Variants in PUF60 observed in about 807,000 individuals in gnomAD.
PUF60 encodes the protein poly(U)-binding-splicing factor PUF60.
A neutral mutation model predicts 61.8 loss-of-function variants in PUF60; 10 were observed. The observed-to-expected ratio is 0.16, with a 90% CI of 0.10 to 0.27. PUF60 has a LOEUF of 0.27. Among genes scored for constraint, PUF60 ranks in the 10% least tolerant of loss-of-function variants. The pLI is 1.00. For missense variants in PUF60, 371 were observed against 754.0 expected, an observed-to-expected ratio of 0.49 and a Z score of 5.95; for synonymous variants, 353 against 300.9, an observed-to-expected ratio of 1.17 and a Z score of -1.79.
intron 4 of PUF60, 143 bp from the exon 5 acceptor site, chr8:143,820,859 A>C: frequency 1.2e-6 from 1 of 803,116 alleles, no homozygotes; most frequent in Non-Finnish European, 2.1e-6. Context: ...GCCGGCCGCC[A>C]GCACCTGCCC....
rs543924601 is a variant in PUF60 at position 143,816,422 on chromosome 8, G to T, written c.*98C>A. On this transcript the variant is annotated 3_prime_UTR_variant, in exon 12 of 12. Coordinates refer to ENST00000526683, the MANE Select transcript of PUF60 (RefSeq NM_078480.3). ...CACCTTTATCCGCACTGTAGGCTGG[G>T]CTGGGCAGAGCGCGCCTGGCCCCGG... 8.9e-6 allele frequency: 12 copies of T among 1,355,742 alleles called. No individual in the cohort carries two copies. The highest frequency in any genetic ancestry group is 1.9e-4 in the Middle Eastern group (1 of 5,312). The allele number at this position is 1,355,742 out of a possible 1,614,324, so 84.0% of individuals were successfully genotyped here. A position where few individuals can be genotyped will look rare whatever the true frequency, so the allele number is the denominator to read the frequency against.
intron 4 of PUF60, 59 bp downstream of exon 4, chr8:143,821,538 A>C: frequency 7.2e-7 from 1 of 1,380,986 alleles, no homozygotes; most frequent in South Asian, 1.2e-5. Context: ...GAAGAGCGTG[A>C]AGAGGAGGAG....
intron 1 of PUF60, chr8:143,828,876 C>G (rs1456590930): frequency 3.1e-6 from 3 of 961,626 alleles, no homozygotes; most frequent in African/African-American, 1.8e-5. Context: ...CCCTTCTGAT[C>G]CCATCAACCC....
In PUF60 at chr8:143,817,644, G is replaced by A. The variant is rs1351166683; in HGVS notation, c.956C>T (p.Pro319Leu). The A allele has an allele frequency of 6.2e-7, 1 of 1,612,470 alleles. No homozygotes were observed. The highest frequency in any genetic ancestry group is 1.7e-5 in the Admixed American group (1 of 60,010). Reference protein sequence around the residue: ...LLTPATPGGLPPAAAVAAAAA... With the variant: ...LLTPATPGGLLPAAAVAAAAA... ...AGCAGCTGCCACAGCAGCGGCAGGTGGGAGGCCTCCAGGCGTGGCTGGTGT... is the reference window on the plus strand; with the variant it reads ...AGCAGCTGCCACAGCAGCGGCAGGTAGGAGGCCTCCAGGCGTGGCTGGTGT... The change falls in exon 9 of 12, where the codon CCA becomes CTA. Residue 319 changes from proline (P) to leucine (L), a missense_variant. Transcript: ENST00000526683. The surrounding 1 kb of genome is among the most constrained non-coding windows in gnomAD (Gnocchi z 7.4).
intron 5 of PUF60, among the ~76,000 whole-genome samples, chr8:143,819,753 G>A (rs1024208488): frequency 4.6e-5 from 7 of 151,836 alleles, no homozygotes; most frequent in Non-Finnish European, 8.8e-5. Flanking sequence ...TCACTCAGCA[G>A]GCTCCCCAGA....
At chr8:143,829,008 C>A in intron 1 of PUF60, 1 of 995,488 alleles carries the variant, frequency 1.0e-6, no homozygotes, top group Non-Finnish European at 1.2e-6. Flanking sequence ...CGCAACCCCG[C>A]CAGGCTCGCC....
chr8:143,829,071 G>A, intron 1 of PUF60: 1 of 1,057,300 alleles, frequency 9.5e-7, no homozygotes, highest in Non-Finnish European at 1.1e-6. Flanking sequence ...CCGGAAGCTG[G>A]GGTCCGCAGG....
In PUF60 at chr8:143,817,193, T is replaced by A. The variant is rs1383711645; in HGVS notation, c.1145-48A>T. Reference sequence around the variant, plus strand: ...CATCAGTCACTCCCTACCACCCCCCTTCCCAGAAAGGCACAGAGCTGGCCT... The same window carrying A: ...CATCAGTCACTCCCTACCACCCCCCATCCCAGAAAGGCACAGAGCTGGCCT... On this transcript the variant is annotated intron_variant, in intron 10 of 11. Coordinates refer to ENST00000526683, the MANE Select transcript of PUF60 (RefSeq NM_078480.3). This position sits in a 1 kb window ranked among gnomAD's most constrained non-coding sequence, Gnocchi z 7.4. 1 of 1,533,408 alleles carries A rather than the reference T, an allele frequency of 6.5e-7. No homozygotes were observed. The allele number at this position is 1,533,408 out of a possible 1,614,324, so 95.0% of individuals were successfully genotyped here.
In PUF60 at chr8:143,817,265, T is replaced by C; in HGVS notation, c.1144+66A>G. On this transcript the variant is annotated intron_variant, in intron 10 of 11. Coordinates refer to ENST00000526683, the MANE Select transcript of PUF60 (RefSeq NM_078480.3). This position sits in a 1 kb window ranked among gnomAD's most constrained non-coding sequence, Gnocchi z 7.4. ...GCCCAGACCACCAGGGCCAGGCAGCTGAGGGCAGCGAGCCGAGAGATGCCA... is the reference window on the plus strand; with the variant it reads ...GCCCAGACCACCAGGGCCAGGCAGCCGAGGGCAGCGAGCCGAGAGATGCCA... 1 of 1,543,914 alleles carries C rather than the reference T, an allele frequency of 6.5e-7. No homozygotes were observed. The highest frequency in any genetic ancestry group is 8.7e-7 in the Non-Finnish European group (1 of 1,147,960).
At chr8:143,827,594 G>A in intron 1 of PUF60, 1 of 375,558 alleles carries the variant, frequency 2.7e-6, no homozygotes, top group South Asian at 2.0e-5. Flanking sequence ...CAGGACGGTG[G>A]GAACAGATAA....
At chr8:143,823,756 C>G (rs1394703571) in intron 2 of PUF60, among the ~76,000 whole-genome samples, 1 of 152,246 alleles carries the variant, frequency 6.6e-6, no homozygotes, top group Admixed American at 6.5e-5. Context: ...CTGAGAGGAC[C>G]TGCTCCCAAG....
rs1319141537 is a variant in PUF60 at position 143,818,040 on chromosome 8, G to C, written c.639C>G (p.Pro213=). 6.2e-7 allele frequency: 1 copy of C among 1,612,714 alleles called. No individual in the cohort carries two copies. The highest frequency in any genetic ancestry group is 8.5e-7 in the Non-Finnish European group (1 of 1,179,832). ...GRPSNIGQAQ[P]IIDQLAEEAR... ...CCTCCTCAGCCAACTGGTCTATGAT[G>C]GGCTGGGCCTGCCCTATGTTGCTGG... Residue 213 remains proline (P), a synonymous_variant, in exon 8 of 12, where the codon CCC becomes CCG. Transcript: ENST00000526683. This position sits in a 1 kb window ranked among gnomAD's most constrained non-coding sequence, Gnocchi z 7.9.
chr8:143,827,564 C>G (rs762987201), intron 1 of PUF60: 1 of 412,598 alleles, frequency 2.4e-6, no homozygotes, highest in Non-Finnish European at 4.9e-6. Flanking sequence ...AGGGGACAGG[C>G]TCTCATCACT....
intron 2 of PUF60, among the ~76,000 whole-genome samples, chr8:143,823,685 G>A (rs959269222): frequency 4.0e-5 from 6 of 151,762 alleles, no homozygotes; most frequent in Non-Finnish European, 5.9e-5. Context: ...CTCTGGAGGC[G>A]GGCGCTACCA....
chr8:143,820,595 TG>T, intron 5 of PUF60, 70 bp downstream of exon 5: 1 of 1,491,868 alleles, frequency 6.7e-7, no homozygotes, highest in Non-Finnish European at 9.3e-7. Flanking sequence ...CCCCAGCACG[TG>T]GGCTGCACTG....
At chr8:143,828,518 C>T (rs1817904850) in intron 1 of PUF60, among the ~76,000 whole-genome samples, 1 of 152,340 alleles carries the variant, frequency 6.6e-6, no homozygotes, top group Admixed American at 6.5e-5. Context: ...GGGAAGTGGG[C>T]ACTGAGCAGA....
chr8:143,823,760 T>C (rs372214600), intron 2 of PUF60, among the ~76,000 whole-genome samples: 7 of 152,292 alleles, frequency 4.6e-5, no homozygotes, highest in African/African-American at 1.7e-4. Flanking sequence ...GAGGACCTGC[T>C]CCCAAGGCTG....
intron 1 of PUF60, among the ~76,000 whole-genome samples, chr8:143,828,090 T>A (rs1013365967): frequency 6.6e-6 from 1 of 152,190 alleles, no homozygotes; most frequent in African/African-American, 2.4e-5. Context: ...AAGGACATAG[T>A]AGAAAGAGTG....
intron 4 of PUF60, chr8:143,821,354 TGCAGCCAAGCAGCC>T (rs1816995898): frequency 1.7e-6 from 1 of 596,844 alleles, no homozygotes; most frequent in African/African-American, 1.9e-5. Context: ...AGGGTAGAGC[TGCAGCCAAGCAGCC>T]AAGAAAGGGG....
Sources: allele counts gnomAD v4.1 joint callset (sites outside exome capture counted in the v4.1 genomes callset), GRCh38; gene constraint gnomAD v4.1.1; non-coding constraint Gnocchi (gnomAD v3.1); transcripts MANE v1.5; gene names NCBI Gene and HGNC (gene_info 2026-07-23, HGNC 2026-07-21).